Variants in ZC3H12C observed in about 807,000 individuals in gnomAD.
The protein encoded by ZC3H12C is zinc finger CCCH-type containing 12C, also known as probable ribonuclease ZC3H12C.
A neutral mutation model predicts 76.3 loss-of-function variants in ZC3H12C; 20 were observed. The ratio of observed to expected loss-of-function variants is 0.26; its 90% CI spans 0.18 to 0.38. The LOEUF (loss-of-function observed/expected upper bound fraction) is 0.38. ZC3H12C is among the 10% of genes least tolerant of loss of function. The pLI is 1.00. For synonymous variants in ZC3H12C, 352 were observed against 399.6 expected, an observed-to-expected ratio of 0.88 and a Z score of 1.42; for missense variants, 874 against 1,086.5, an observed-to-expected ratio of 0.80 and a Z score of 2.75.
intron 4 of ZC3H12C, among the ~76,000 whole-genome samples, chr11:110,161,399 C>G (rs1340762159): frequency 6.6e-6 from 1 of 152,132 alleles, no homozygotes; most frequent in African/African-American, 2.4e-5. Flanking sequence ...ATGTAAGACT[C>G]TGGTCATGAT....
chr11:110,143,813 G>A lies in ZC3H12C; in HGVS notation c.773+6399G>A, dbSNP rs377422329. Among the ~76,000 whole-genome samples the A allele has an allele frequency of 9.2e-5, 14 of 152,166 alleles. No homozygotes were observed. The East Asian group carries it at 1.2e-3, about 13-fold the overall frequency. On this transcript the variant is annotated intron_variant, in intron 2 of 5. Coordinates refer to ENST00000278590, the MANE Select transcript of ZC3H12C (RefSeq NM_033390.2). The stretch of plus-strand genomic sequence containing the variant: ...GCCAGGATTACAGGCGTGAGCCACC[G>A]TGCCCAGCCTAAAAAGATACCTTTA...
At position 110,124,507 on chromosome 11, in the gene ZC3H12C, C is replaced by G. The variant is rs183242149; in HGVS notation, c.22-12156C>G. Among the ~76,000 whole-genome samples the G allele has an allele frequency of 2.6e-5, 4 of 152,280 alleles. No individual in the cohort carries two copies. The East Asian group carries it at 7.7e-4, about 29-fold the overall frequency. On this transcript the variant is annotated intron_variant, in intron 1 of 5. Transcript: ENST00000278590. ...GTTCATAAATAAATGCTAAATTGTA[C>G]TGTACACACTATTCATGTTACAGAA...
At chr11:110,162,930 G>GTGTAT (rs1006754235) in intron 4 of ZC3H12C, among the ~76,000 whole-genome samples, 12 of 152,082 alleles carry the variant, frequency 7.9e-5, no homozygotes, top group Admixed American at 6.6e-4. Flanking sequence ...ATTTCATGAG[G>GTGTAT]TGTATGTTGA....
chr11:110,104,579 T>C (rs1248383489), intron 1 of ZC3H12C, among the ~76,000 whole-genome samples: 1 of 152,200 alleles, frequency 6.6e-6, no homozygotes, highest in African/African-American at 2.4e-5. Flanking sequence ...ATAATCTAGG[T>C]TGAAGACCTG....
At chr11:110,094,566 A>G (rs924236567) in intron 1 of ZC3H12C, among the ~76,000 whole-genome samples, 1 of 152,248 alleles carries the variant, frequency 6.6e-6, no homozygotes, top group Non-Finnish European at 1.5e-5. Context: ...TTTTGTCTTA[A>G]TGGACTTAGG....
intron 1 of ZC3H12C, among the ~76,000 whole-genome samples, chr11:110,104,084 A>G (rs1861273051): frequency 6.7e-6 from 1 of 150,360 alleles, no homozygotes; most frequent in Non-Finnish European, 1.5e-5. Context: ...CCCAGGCTGG[A>G]GTGCAGTGGT....
At position 110,122,077 on chromosome 11, in the gene ZC3H12C, C is replaced by T. The variant is rs111914165; in HGVS notation, c.22-14586C>T. Among the ~76,000 whole-genome samples, 174 of 152,240 alleles carry T rather than the reference C, an allele frequency of 1.1e-3. 3 individuals carry two copies. Among genetic ancestry groups the T allele is most frequent in the African/African-American group, 4.1e-3 (171 of 41,536 alleles). ...AGTTTCCTAAGTAAATTATTTAACA[C>T]TTAAAGAAGAACAAGACATGCACGT... On this transcript the variant is annotated intron_variant, in intron 1 of 5. Coordinates refer to ENST00000278590, the MANE Select transcript of ZC3H12C (RefSeq NM_033390.2).
intron 1 of ZC3H12C, among the ~76,000 whole-genome samples, chr11:110,105,560 A>T (rs1861306917): frequency 6.6e-6 from 1 of 152,192 alleles, no homozygotes; most frequent in South Asian, 2.1e-4. Context: ...GCATTTTATT[A>T]CATATGTGAA....
rs897586454 is a variant in ZC3H12C, at chr11:110,168,551, G to A, written c.*2814G>A. 6.6e-6 allele frequency: 1 copy of A among 152,164 alleles called. No individual in the cohort carries two copies. Among genetic ancestry groups the A allele is most frequent in the Non-Finnish European group, 1.5e-5 (1 of 68,004 alleles). 9.4% of individuals were successfully genotyped at this position (152,164 alleles called of 1,614,324 possible). On this transcript the variant is annotated 3_prime_UTR_variant, in exon 6 of 6. Coordinates refer to ENST00000278590, the MANE Select transcript of ZC3H12C (RefSeq NM_033390.2). ...CCAGAGAGATGTGTTAATAAGTGAAGTTGCCAGAAATGGTCAACTGATCGG... is the reference window on the plus strand; with the variant it reads ...CCAGAGAGATGTGTTAATAAGTGAAATTGCCAGAAATGGTCAACTGATCGG...
intron 1 of ZC3H12C, among the ~76,000 whole-genome samples, chr11:110,110,695 T>A (rs1861410401): frequency 1.0e-5 from 1 of 96,304 alleles, no homozygotes; most frequent in African/African-American, 4.2e-5. Context: ...AGTTTCCTAC[T>A]CTTTAGTGTT....
intron 3 of ZC3H12C, among the ~76,000 whole-genome samples, chr11:110,153,298 G>A (rs1287081896): frequency 2.0e-5 from 3 of 152,168 alleles, no homozygotes; most frequent in Admixed American, 6.5e-5. Flanking sequence ...AGCACTTCTC[G>A]TGCCTCAGCC....
intron 2 of ZC3H12C, among the ~76,000 whole-genome samples, chr11:110,143,602 A>G (rs909836137): frequency 6.6e-6 from 1 of 152,114 alleles, no homozygotes; most frequent in Admixed American, 6.5e-5. Flanking sequence ...AACTGGAAGG[A>G]TTTTGATACT....
chr11:110,156,999 T>C (rs1200067130), intron 3 of ZC3H12C, among the ~76,000 whole-genome samples: 1 of 151,970 alleles, frequency 6.6e-6, no homozygotes, highest in Non-Finnish European at 1.5e-5. Flanking sequence ...GCCAATATGG[T>C]GAAACCCCAT....
In ZC3H12C at chr11:110,121,514, C is replaced by G. The variant is rs565760356; in HGVS notation, c.22-15149C>G. ...TTTAATGCCTAAAATCTTACATCACCTTTTGATATGTATAGAACTCTAAAG... is the reference window on the plus strand; with the variant it reads ...TTTAATGCCTAAAATCTTACATCACGTTTTGATATGTATAGAACTCTAAAG... On this transcript the variant is annotated intron_variant, in intron 1 of 5. Coordinates refer to ENST00000278590, the MANE Select transcript of ZC3H12C (RefSeq NM_033390.2). 1.3e-3 allele frequency among the ~76,000 whole-genome samples: 191 copies of G among 152,242 alleles called. 1 individual carries two copies. The highest frequency in any genetic ancestry group is 3.4e-3 in the Middle Eastern group (1 of 294).
chr11:110,145,718 A>G (rs951593064), intron 2 of ZC3H12C, among the ~76,000 whole-genome samples: 1 of 152,154 alleles, frequency 6.6e-6, no homozygotes, highest in Non-Finnish European at 1.5e-5. Context: ...ATAGCATGGA[A>G]GATCCCCAGC....
At chr11:110,114,915 GTAGCAGTT>G (rs1051400525) in intron 1 of ZC3H12C, among the ~76,000 whole-genome samples, 4 of 152,258 alleles carry the variant, frequency 2.6e-5, no homozygotes, top group African/African-American at 9.6e-5. Flanking sequence ...ACTGAAAAGT[GTAGCAGTT>G]TATGACTTTA....
At chr11:110,097,200 A>G (rs1861128880) in intron 1 of ZC3H12C, among the ~76,000 whole-genome samples, 1 of 152,226 alleles carries the variant, frequency 6.6e-6, no homozygotes, top group African/African-American at 2.4e-5. Context: ...AAAAATGGAA[A>G]CTAATTGCAC....
intron 1 of ZC3H12C, among the ~76,000 whole-genome samples, chr11:110,110,697 T>C (rs1044849988): frequency 1.1e-5 from 1 of 94,048 alleles, no homozygotes. Flanking sequence ...TTTCCTACTC[T>C]TTAGTGTTCT....
chr11:110,134,441 C>T (rs578257966), intron 1 of ZC3H12C, among the ~76,000 whole-genome samples: 106 of 151,990 alleles, frequency 7.0e-4, no homozygotes, highest in Non-Finnish European at 1.3e-3. Flanking sequence ...TTGGTGGGAG[C>T]GCCATGAAGG....
Sources: gnomAD v4.1 joint callset for allele counts (sites outside exome capture counted in the v4.1 genomes callset) on GRCh38, gnomAD v4.1.1 for gene constraint, MANE v1.5 for transcripts, NCBI Gene and HGNC (gene_info 2026-07-23, HGNC 2026-07-21) for gene names.